The following PIK3CD variants were observed in gnomAD, a reference collection of about 807,000 sequenced individuals.
The protein encoded by PIK3CD is phosphatidylinositol-4,5-bisphosphate 3-kinase catalytic subunit delta.
In PIK3CD, 20 loss-of-function variants were observed where a neutral mutation model predicts 122.9. The observed-to-expected ratio is 0.16, with a 90% confidence interval of 0.11 to 0.24. The LOEUF (loss-of-function observed/expected upper bound fraction) is 0.24, where lower values mean the gene tolerates loss of function less well. Ranked by LOEUF, PIK3CD falls within the 10% of genes least tolerant of loss-of-function variation. The pLI is 1.00. For synonymous variants in PIK3CD, 596 were observed against 593.4 expected (o/e 1.00, Z -0.06); for missense variants, 787 against 1,406.3 (o/e 0.56, Z 7.04).
chr1:9,632,948 G>A, the PIK3CD span, among the ~76,000 whole-genome samples: 5 of 149,140 alleles, frequency 3.4e-5, no homozygotes, highest in African/African-American at 7.4e-5. Flanking sequence ...TGCAAGCTCC[G>A]TCTCCAGGGT....
intron 2 of PIK3CD, among the ~76,000 whole-genome samples, chr1:9,698,666 T>C (rs1201864949): frequency 1.3e-5 from 2 of 152,218 alleles, no homozygotes; most frequent in African/African-American, 4.8e-5. Context: ...TTTTGACTTT[T>C]GAATTGCTTC....
rs893249484 is a variant in PIK3CD, at chr1:9,721,211, G to A, written c.1774G>A (p.Val592Ile). 32 of 1,613,328 alleles carry A rather than the reference G, an allele frequency of 2.0e-5. No homozygotes were observed. Among genetic ancestry groups the A allele is most frequent in the Non-Finnish European group, 2.5e-5 (30 of 1,179,992 alleles). ...LLDFSFPDCH[V>I]GSFAIKSLRK... ...AGACTTCAGCTTCCCCGATTGCCAC[G>A]TAGGCTCCTTCGCCATCAAGTCGCT... Residue 592 changes from valine to isoleucine, a missense_variant, in exon 14 of 24, where the codon GTA becomes ATA. Val to Ile is a conservative substitution (Grantham distance 29, BLOSUM62 3). Coordinates refer to ENST00000377346, the MANE Select transcript of PIK3CD (RefSeq NM_005026.5).
intron 1 of PIK3CD, among the ~76,000 whole-genome samples, chr1:9,664,798 G>A (rs1368224491): frequency 2.6e-5 from 4 of 152,154 alleles, no homozygotes; most frequent in South Asian, 2.1e-4. Flanking sequence ...TAATGCCATC[G>A]TGTATAAATG....
chr1:9,685,602 G>A (rs1285050545), intron 1 of PIK3CD, among the ~76,000 whole-genome samples: 1 of 152,002 alleles, frequency 6.6e-6, no homozygotes, highest in African/African-American at 2.4e-5. Flanking sequence ...CAGGTGATCC[G>A]CCCTCCTCAG....
the PIK3CD span, among the ~76,000 whole-genome samples, chr1:9,645,193 G>A: frequency 1.3e-5 from 2 of 151,676 alleles, no homozygotes; most frequent in African/African-American, 4.8e-5. Flanking sequence ...GCTAATTTTT[G>A]TGTTTTAGTA....
chr1:9,710,317 C>T lies in PIK3CD; in HGVS notation c.-32-107C>T. Reference sequence around the variant, plus strand: ...GTACCCGCAGGTCGGGAACTCACTCCTGAGCTTCCTGCTGTCCAAGGACCC... The same window carrying T: ...GTACCCGCAGGTCGGGAACTCACTCTTGAGCTTCCTGCTGTCCAAGGACCC... On this transcript the variant is annotated intron_variant, in intron 2 of 23. Transcript: ENST00000377346. This position sits in a 1 kb window ranked among gnomAD's most constrained non-coding sequence, Gnocchi z 4.7. The T allele has an allele frequency of 1.1e-6, 1 of 924,920 alleles. No homozygotes were observed. Among genetic ancestry groups the T allele is most frequent in the South Asian group, 1.3e-5 (1 of 76,348 alleles). 57.3% of individuals were successfully genotyped at this position (924,920 alleles called of 1,614,324 possible).
chr1:9,721,639 C>T (rs768351914), intron 15 of PIK3CD, 52 bp downstream of exon 15: 1 of 1,610,540 alleles, frequency 6.2e-7, no homozygotes, highest in Non-Finnish European at 8.5e-7. Flanking sequence ...CCTGAGTCTC[C>T]CTGGAAGGCC....
upstream of PIK3CD, among the ~76,000 whole-genome samples, chr1:9,647,658 C>T (rs550307740): frequency 6.6e-6 from 1 of 151,872 alleles, no homozygotes; most frequent in Admixed American, 6.6e-5. Context: ...AGGCACATGC[C>T]ACCATGCCTG....
chr1:9,717,246 C>G lies in PIK3CD; in HGVS notation c.930+138C>G, dbSNP rs568001206. ...CTTTGAGCTGGGGAAGCCAACACAG[C>G]TGACCAGCGTCCTGGGCTGGGGGCC... On this transcript the variant is annotated intron_variant, in intron 7 of 23. Coordinates refer to ENST00000377346, the MANE Select transcript of PIK3CD (RefSeq NM_005026.5). The surrounding 1 kb of genome is among the most constrained non-coding windows in gnomAD (Gnocchi z 5.4). 1.6e-5 allele frequency: 18 copies of G among 1,146,768 alleles called. No individual in the cohort carries two copies. The African/African-American group carries it at 2.3e-4, about 15-fold the overall frequency. The allele number at this position is 1,146,768 out of a possible 1,614,324, so 71.0% of individuals were successfully genotyped here.
chr1:9,638,034 G>T, the PIK3CD span, among the ~76,000 whole-genome samples: 2 of 152,070 alleles, frequency 1.3e-5, no homozygotes, highest in African/African-American at 4.8e-5. Context: ...TTGAACCCGG[G>T]AGGTAGAGGT....
At chr1:9,630,739 T>TGTGTGTGTGTGCGCGC in the PIK3CD span, among the ~76,000 whole-genome samples, 254 of 150,954 alleles carry the variant, frequency 1.7e-3, 4 homozygotes, top group South Asian at 0.02. Context: ...TGTGTGTGTG[T>TGTGTGTGTGTGCGCGC]GCAGAAGAGG....
intron 1 of PIK3CD, among the ~76,000 whole-genome samples, chr1:9,666,336 G>C (rs1041852011): frequency 7.3e-6 from 1 of 136,818 alleles, no homozygotes; most frequent in Non-Finnish European, 1.5e-5. Flanking sequence ...TGCCCCCCCA[G>C]GTTCAAGTGA....
At chr1:9,627,636 G>A in the PIK3CD span, among the ~76,000 whole-genome samples, 2 of 152,204 alleles carry the variant, frequency 1.3e-5, no homozygotes, top group African/African-American at 4.8e-5. Context: ...GCACTTTACA[G>A]ATATTAACTT....
At chr1:9,708,610 G>C (rs1646934422) in intron 2 of PIK3CD, among the ~76,000 whole-genome samples, 1 of 151,944 alleles carries the variant, frequency 6.6e-6, no homozygotes, top group Admixed American at 6.6e-5. Flanking sequence ...CACTTTGGGA[G>C]CCCAAGGCAG....
chr1:9,658,743 T>C (rs1644931433), intron 1 of PIK3CD, among the ~76,000 whole-genome samples: 1 of 152,072 alleles, frequency 6.6e-6, no homozygotes. Context: ...TTGGCCAGGC[T>C]GGTCTCAAAC....
In PIK3CD at chr1:9,724,194, G is replaced by A. The variant is rs1043833651; in HGVS notation, c.2719-82G>A. ...ACAGCTCTGTGGCAGGGGTCCCCCAGCCCTGCTGGCTTCCTGTCTCCCCTG... is the reference window on the plus strand; with the variant it reads ...ACAGCTCTGTGGCAGGGGTCCCCCAACCCTGCTGGCTTCCTGTCTCCCCTG... On this transcript the variant is annotated intron_variant, in intron 21 of 23. Transcript: ENST00000377346. The surrounding 1 kb of genome is among the most constrained non-coding windows in gnomAD (Gnocchi z 7.3). 1.2e-6 allele frequency: 2 copies of A among 1,612,776 alleles called. No homozygotes were observed. The highest frequency in any genetic ancestry group is 1.7e-6 in the Non-Finnish European group (2 of 1,179,446).
At chr1:9,664,829 C>T (rs1341013157) in intron 1 of PIK3CD, among the ~76,000 whole-genome samples, 1 of 152,132 alleles carries the variant, frequency 6.6e-6, no homozygotes, top group Non-Finnish European at 1.5e-5. Flanking sequence ...TATTAGGGAA[C>T]TCTTCTGGGC....
Position 9,654,308 on chromosome 1 carries a change from C to T in PIK3CD, c.-138+2506C>T, listed in dbSNP as rs768170088. 3 of 1,367,772 alleles carry T rather than the reference C, an allele frequency of 2.2e-6. No homozygotes were observed. The Admixed American group carries it at 5.7e-5, about 26-fold the overall frequency. The allele number at this position is 1,367,772 out of a possible 1,614,324, so 84.7% of individuals were successfully genotyped here. A position where few individuals can be genotyped will look rare whatever the true frequency, so the allele number is the denominator to read the frequency against. On this transcript the variant is annotated intron_variant, in intron 1 of 23. Coordinates refer to ENST00000377346, the MANE Select transcript of PIK3CD (RefSeq NM_005026.5). ...TGCGTTTCTGCAGCCTCAGTCCACG[C>T]CGCCAGGTCTTTGCACTAAGCTGTG...
intron 1 of PIK3CD, among the ~76,000 whole-genome samples, chr1:9,664,662 G>A (rs1026782516): frequency 2.0e-5 from 3 of 152,198 alleles, no homozygotes; most frequent in Non-Finnish European, 2.9e-5. Context: ...AGCAGCTCTC[G>A]TTTGGTCAGG....
Sources: gnomAD v4.1 joint callset for allele counts (sites outside exome capture counted in the v4.1 genomes callset) on GRCh38, gnomAD v4.1.1 for gene constraint, Gnocchi (gnomAD v3.1) non-coding constraint, MANE v1.5 for transcripts, NCBI Gene and HGNC (gene_info 2026-07-23, HGNC 2026-07-21) for gene names.